The following KIR2DL1 variants were observed in gnomAD, a reference collection of about 807,000 sequenced individuals.
KIR2DL1 encodes killer cell immunoglobulin like receptor, two Ig domains and long cytoplasmic tail 1.
Under a neutral mutation model 33.9 loss-of-function variants are expected in KIR2DL1, and 38 were observed. The observed-to-expected ratio is 1.12, with a 90% confidence interval of 0.86 to 1.47. KIR2DL1 has a LOEUF of 1.47. Among genes scored for constraint, KIR2DL1 ranks in the 40% most tolerant of loss-of-function variants. The pLI, the probability that KIR2DL1 is intolerant of heterozygous loss-of-function variation, is 0.00. For synonymous variants in KIR2DL1, 179 were observed against 165.9 expected (o/e 1.08, Z -0.61); for missense variants, 531 against 433.9 (o/e 1.22, Z -1.99).
At chr19:54,779,318 G>A (rs1007311190) in intron 5 of KIR2DL1, among the ~76,000 whole-genome samples, 17 of 149,004 alleles carry the variant, frequency 1.1e-4, no homozygotes, top group African/African-American at 3.7e-4. Flanking sequence ...TAAAATCAAG[G>A]TGACAGCAAG....
Position 54,782,994 on chromosome 19 carries a change from T to C in KIR2DL1, c.788T>C (p.Leu263Pro). 6.8e-6 allele frequency: 11 copies of C among 1,613,748 alleles called. No homozygotes were observed. The South Asian group carries it at 1.2e-4, about 18-fold the overall frequency. ...ATCCTCTTCATCCTCCTCTTCTTTC[T>C]CCTTCATCGCTGGTGCTCCAACAAA... ...VIILFILLFFLLHRWCSNKKN... is the reference protein window; with the variant it reads ...VIILFILLFFPLHRWCSNKKN... Residue 263 changes from leucine (L) to proline (P), a missense_variant, in exon 6 of 8, where the codon CTC becomes CCC. Coordinates refer to ENST00000336077, the MANE Select transcript of KIR2DL1 (RefSeq NM_014218.3).
At chr19:54,777,231 C>G (rs1220947874) in intron 4 of KIR2DL1, among the ~76,000 whole-genome samples, 3 of 149,582 alleles carry the variant, frequency 2.0e-5, no homozygotes, top group Non-Finnish European at 4.5e-5. Context: ...GCTGGAATTA[C>G]AGGCACACGC....
rs2077401933 is a variant in KIR2DL1 at position 54,784,066 on chromosome 19, T to C, written c.*253T>C. 3.2e-6 allele frequency: 2 copies of C among 618,600 alleles called. No homozygotes were observed. Among genetic ancestry groups the C allele is most frequent in the South Asian group, 3.9e-5 (2 of 51,288 alleles). 38.3% of individuals were successfully genotyped at this position (618,600 alleles called of 1,614,324 possible). On this transcript the variant is annotated 3_prime_UTR_variant, in exon 8 of 8. Transcript: ENST00000336077. Reference sequence around the variant, plus strand: ...ACAGTTCTCCATTTCACTTGACCCCTGCCCACCTCTCCAACCTAACTGGCT... The same window carrying C: ...ACAGTTCTCCATTTCACTTGACCCCCGCCCACCTCTCCAACCTAACTGGCT...
At chr19:54,783,602 G>A in intron 7 of KIR2DL1, 35 bp from the exon 8 acceptor site, 1 of 1,613,956 alleles carries the variant, frequency 6.2e-7, no homozygotes. Flanking sequence ...GAAAATGTGA[G>A]CACCCTCCCT....
chr19:54,777,114 G>A (rs576493772), intron 4 of KIR2DL1, among the ~76,000 whole-genome samples: 62 of 151,768 alleles, frequency 4.1e-4, no homozygotes, highest in African/African-American at 1.5e-3. Context: ...TTTTGAGATG[G>A]AGTTTTGCTC....
At chr19:54,774,029 T>A (rs1392631381) in intron 3 of KIR2DL1, among the ~76,000 whole-genome samples, 1 of 148,698 alleles carries the variant, frequency 6.7e-6, no homozygotes, top group Non-Finnish European at 1.5e-5. Flanking sequence ...TGACCTGAGT[T>A]GGGCCCTGTG....
intron 5 of KIR2DL1, among the ~76,000 whole-genome samples, chr19:54,781,867 C>T (rs1307656845): frequency 6.6e-6 from 1 of 151,858 alleles, no homozygotes; most frequent in African/African-American, 2.4e-5. Context: ...AACCCTAAAG[C>T]ACATTCGCTG....
At position 54,778,075 on chromosome 19, in the gene KIR2DL1, A is replaced by G. The variant is rs1219371077; in HGVS notation, c.665-537A>G. Among the ~76,000 whole-genome samples, 6 of 147,256 alleles carry G rather than the reference A, an allele frequency of 4.1e-5. 1 individual carries two copies. Reference sequence around the variant, plus strand: ...CAGGAGTTCAAGATTAGTCTGGCCAACGTGATGAAACATCGTCTCCACTAA... The same window carrying G: ...CAGGAGTTCAAGATTAGTCTGGCCAGCGTGATGAAACATCGTCTCCACTAA... On this transcript the variant is annotated intron_variant, in intron 4 of 7. Transcript: ENST00000336077.
intron 2 of KIR2DL1, among the ~76,000 whole-genome samples, chr19:54,773,045 T>C (rs635587): frequency 0.21 from 28,622 of 133,244 alleles, 148 homozygotes; most frequent in South Asian, 0.35. Context: ...CACCCCCACA[T>C]AGACAGCAGG....
At position 54,784,050 on chromosome 19, in the gene KIR2DL1, CATTTCA is replaced by C; in HGVS notation, c.*238_*243del. 1 of 670,822 alleles carries C rather than the reference CATTTCA, an allele frequency of 1.5e-6. No homozygotes were observed. Among genetic ancestry groups the C allele is most frequent in the Non-Finnish European group, 2.5e-6 (1 of 398,174 alleles). 41.6% of individuals were successfully genotyped at this position (670,822 alleles called of 1,614,324 possible). A position where few individuals can be genotyped will look rare whatever the true frequency, so the allele number is the denominator to read the frequency against. The stretch of plus-strand genomic sequence containing the variant: ...CTCCTTTGCTTAACCCACAGTTCTC[CATTTCA>C]CTTGACCCCTGCCCACCTCTCCAAC... On this transcript the variant is annotated 3_prime_UTR_variant, in exon 8 of 8. Coordinates refer to ENST00000336077, the MANE Select transcript of KIR2DL1 (RefSeq NM_014218.3).
intron 4 of KIR2DL1, 111 bp from the exon 5 acceptor site, chr19:54,778,501 G>A (rs1406498656): frequency 1.8e-6 from 2 of 1,110,712 alleles, no homozygotes; most frequent in South Asian, 1.6e-5. Flanking sequence ...AGGACTCCCA[G>A]GGCTCAATAT....
intron 4 of KIR2DL1, among the ~76,000 whole-genome samples, chr19:54,777,770 C>G (rs1257241532): frequency 1.4e-5 from 2 of 147,732 alleles, no homozygotes; most frequent in Non-Finnish European, 3.0e-5. Flanking sequence ...GAGCATTTCC[C>G]CAATATTTTG....
chr19:54,770,721 G>T, intron 1 of KIR2DL1, 128 bp from the exon 2 acceptor site: 1 of 1,325,614 alleles, frequency 7.5e-7, no homozygotes, highest in Non-Finnish European at 1.1e-6. Context: ...GGTGCAGGTA[G>T]GCACTGAGGG....
chr19:54,776,214 G>C lies in KIR2DL1; in HGVS notation c.664+756G>C, dbSNP rs1255029014. Reference sequence around the variant, plus strand: ...CACATTTACCATTTTTAAGTGTAAAGTCTAGTGGTCATAAATACATTTTTA... The same window carrying C: ...CACATTTACCATTTTTAAGTGTAAACTCTAGTGGTCATAAATACATTTTTA... On this transcript the variant is annotated intron_variant, in intron 4 of 7. Coordinates refer to ENST00000336077, the MANE Select transcript of KIR2DL1 (RefSeq NM_014218.3). Among the ~76,000 whole-genome samples the C allele has an allele frequency of 2.1e-5, 3 of 145,644 alleles. 1 individual carries two copies. Among genetic ancestry groups the C allele is most frequent in the Admixed American group, 1.4e-4 (2 of 14,266 alleles).
intron 2 of KIR2DL1, among the ~76,000 whole-genome samples, chr19:54,772,048 A>ACTGTGTTGTCCCCAGTG (rs2075792690): frequency 6.8e-6 from 1 of 147,096 alleles, no homozygotes; most frequent in Non-Finnish European, 1.5e-5. Context: ...TGGTGGGAAG[A>ACTGTGTTGTCCCCAGTG]ATAATTGTCC....
At chr19:54,776,347 A>G (rs1450523468) in intron 4 of KIR2DL1, among the ~76,000 whole-genome samples, 1 of 147,136 alleles carries the variant, frequency 6.8e-6, no homozygotes, top group Non-Finnish European at 1.5e-5. Flanking sequence ...TAGCTCCTGT[A>G]TATGGGTGAG....
rs530465345 is a variant in KIR2DL1, at chr19:54,784,181, C to T, written c.*368C>T. The T allele has an allele frequency of 2.4e-4, 103 of 425,920 alleles. 1 individual carries two copies. In the South Asian group the frequency reaches 2.7e-3, roughly 11 times the overall value. 26.4% of individuals were successfully genotyped at this position (425,920 alleles called of 1,614,324 possible). On this transcript the variant is annotated 3_prime_UTR_variant, in exon 8 of 8. Coordinates refer to ENST00000336077, the MANE Select transcript of KIR2DL1 (RefSeq NM_014218.3). ...GCTCCCTCTTAACGCAGCACTTAGACACGTGTTGTTCCACCTTCCCTCATG... is the reference window on the plus strand; with the variant it reads ...GCTCCCTCTTAACGCAGCACTTAGATACGTGTTGTTCCACCTTCCCTCATG...
chr19:54,778,109 A>C (rs1428870869), intron 4 of KIR2DL1, among the ~76,000 whole-genome samples: 2 of 147,336 alleles, frequency 1.4e-5, no homozygotes, highest in Admixed American at 1.4e-4. Context: ...AAAAATATAA[A>C]AATTAGCTGA....
At chr19:54,778,922 A>G (rs1357152302) in intron 5 of KIR2DL1, among the ~76,000 whole-genome samples, 6 of 148,276 alleles carry the variant, frequency 4.0e-5, no homozygotes, top group Non-Finnish European at 9.0e-5. Context: ...TTCTCAGGAA[A>G]AATGCAATGT....
Sources: allele counts gnomAD v4.1 joint callset (sites outside exome capture counted in the v4.1 genomes callset), GRCh38; gene constraint gnomAD v4.1.1; transcripts MANE v1.5; gene names NCBI Gene and HGNC (gene_info 2026-07-23, HGNC 2026-07-21).